Variants in TMEM132D observed in about 807,000 individuals in gnomAD.
The protein encoded by TMEM132D is mature OL transmembrane protein.
Under a neutral mutation model 62.3 loss-of-function variants are expected in TMEM132D, and 21 were observed. The observed-to-expected ratio is 0.34, with a 90% CI of 0.24 to 0.49. The LOEUF (loss-of-function observed/expected upper bound fraction) is 0.49. Among genes scored for constraint, TMEM132D ranks in the 20% least tolerant of loss-of-function variants. TMEM132D has a pLI of 0.99. For synonymous variants in TMEM132D, 621 were observed against 575.6 expected, an observed-to-expected ratio of 1.08 and a Z score of -1.13; for missense variants, 1,346 against 1,402.8, an observed-to-expected ratio of 0.96 and a Z score of 0.65.
chr12:129,126,930 A>G (rs1876230430), intron 5 of TMEM132D, among the ~76,000 whole-genome samples: 1 of 152,240 alleles, frequency 6.6e-6, no homozygotes, highest in African/African-American at 2.4e-5. Context: ...AAAGAGCAGC[A>G]CGTCTTCAGT....
intron 1 of TMEM132D, among the ~76,000 whole-genome samples, chr12:129,872,607 A>C (rs1263349390): frequency 6.6e-6 from 1 of 152,242 alleles, no homozygotes; most frequent in East Asian, 1.9e-4. Context: ...TAGAAGAGTC[A>C]TGTTGTTGGG....
chr12:129,656,575 C>T (rs1440129085), intron 2 of TMEM132D, among the ~76,000 whole-genome samples: 1 of 152,018 alleles, frequency 6.6e-6, no homozygotes, highest in Non-Finnish European at 1.5e-5. Flanking sequence ...TGACTCTGGC[C>T]AGATGTAATA....
intron 3 of TMEM132D, among the ~76,000 whole-genome samples, chr12:129,477,800 A>G (rs1180204309): frequency 2.0e-5 from 3 of 152,080 alleles, no homozygotes; most frequent in African/African-American, 7.2e-5. Context: ...CAGCCTGGGC[A>G]ATAGAGCAAG....
At position 129,336,578 on chromosome 12, in the gene TMEM132D, A is replaced by G. The variant is rs116228531; in HGVS notation, c.1299+1056T>C. Among the ~76,000 whole-genome samples the G allele has an allele frequency of 3.4e-3, 519 of 152,270 alleles. 3 individuals are homozygous for G. Among genetic ancestry groups the G allele is most frequent in the African/African-American group, 0.012 (494 of 41,530 alleles). ...CAGACTGGCACTCCGTCAAAAAGAA[A>G]AAAAAAAGAACATTACATGTAGCAT... On this transcript the variant is annotated intron_variant, in intron 4 of 8. Coordinates refer to ENST00000422113, the MANE Select transcript of TMEM132D (RefSeq NM_133448.3).
intron 2 of TMEM132D, among the ~76,000 whole-genome samples, chr12:129,622,916 C>T (rs893827242): frequency 2.0e-5 from 3 of 152,114 alleles, no homozygotes; most frequent in African/African-American, 7.2e-5. Flanking sequence ...GTGTGGTAAA[C>T]CTGGTTTTGG....
At chr12:129,230,346 C>T (rs547238803) in intron 4 of TMEM132D, among the ~76,000 whole-genome samples, 308 of 152,246 alleles carry the variant, frequency 2.0e-3, no homozygotes, top group Middle Eastern at 3.4e-3. Context: ...CCTTCCTCAG[C>T]TCCTTCTGTG....
chr12:129,426,170 T>C (rs1187107338), intron 3 of TMEM132D, among the ~76,000 whole-genome samples: 2 of 152,194 alleles, frequency 1.3e-5, no homozygotes, highest in Non-Finnish European at 2.9e-5. Flanking sequence ...TCTCTCTTCA[T>C]GTCCTGCTGT....
intron 5 of TMEM132D, among the ~76,000 whole-genome samples, chr12:129,136,274 T>C (rs1016404894): frequency 2.0e-5 from 3 of 152,242 alleles, no homozygotes; most frequent in Admixed American, 6.5e-5. Flanking sequence ...ATGCTGTTAA[T>C]TGACACACTC....
chr12:129,853,591 T>C (rs764894210), intron 1 of TMEM132D: 2 of 152,202 alleles, frequency 1.3e-5, no homozygotes, highest in Non-Finnish European at 2.9e-5. Flanking sequence ...CTGGAACCGA[T>C]GGTTTGAAAG....
chr12:129,160,909 T>C (rs1002928701), intron 5 of TMEM132D, among the ~76,000 whole-genome samples: 1 of 152,164 alleles, frequency 6.6e-6, no homozygotes, highest in African/African-American at 2.4e-5. Flanking sequence ...GGCCAAGAGC[T>C]GAGGGAGATG....
At chr12:129,618,578 CAGAAG>C (rs1472600324) in intron 2 of TMEM132D, among the ~76,000 whole-genome samples, 2 of 152,118 alleles carry the variant, frequency 1.3e-5, no homozygotes, top group African/African-American at 2.4e-5. Flanking sequence ...CTTCAAAAAC[CAGAAG>C]AGAAGAGGAA....
intron 5 of TMEM132D, among the ~76,000 whole-genome samples, chr12:129,115,338 T>C (rs1263489594): frequency 6.6e-6 from 1 of 152,190 alleles, no homozygotes. Context: ...CCTTCCTTAG[T>C]TCCCTGAACT....
At chr12:129,604,425 G>A (rs906554443) in intron 2 of TMEM132D, among the ~76,000 whole-genome samples, 14 of 152,072 alleles carry the variant, frequency 9.2e-5, no homozygotes, top group African/African-American at 3.4e-4. Context: ...CCAAGTTTGG[G>A]CATTTATGAA....
At chr12:129,570,830 A>G (rs1877491583) in intron 2 of TMEM132D, among the ~76,000 whole-genome samples, 1 of 152,222 alleles carries the variant, frequency 6.6e-6, no homozygotes, top group Non-Finnish European at 1.5e-5. Flanking sequence ...CATCCCCAGA[A>G]GTTGCTCAGG....
chr12:129,465,330 A>G (rs1873848841), intron 3 of TMEM132D, among the ~76,000 whole-genome samples: 1 of 152,192 alleles, frequency 6.6e-6, no homozygotes, highest in South Asian at 2.1e-4. Flanking sequence ...ACAAACCCAC[A>G]GCCAATATCA....
intron 1 of TMEM132D, among the ~76,000 whole-genome samples, chr12:129,892,385 A>G (rs1874954698): frequency 6.6e-6 from 1 of 152,190 alleles, no homozygotes; most frequent in Admixed American, 6.5e-5. Context: ...TAATAACCTC[A>G]TGCCAAAGTA....
At chr12:129,405,557 G>A (rs1266403350) in intron 3 of TMEM132D, among the ~76,000 whole-genome samples, 2 of 152,176 alleles carry the variant, frequency 1.3e-5, no homozygotes, top group Non-Finnish European at 2.9e-5. Context: ...GAGGTCCTGA[G>A]TGGCCCCACT....
chr12:129,500,123 G>T (rs1875087831), intron 3 of TMEM132D, among the ~76,000 whole-genome samples: 1 of 118,500 alleles, frequency 8.4e-6, no homozygotes, highest in African/African-American at 3.3e-5. Flanking sequence ...CCCCACTTCA[G>T]TCGATTACCT....
At chr12:129,166,975 C>T (rs1877581196) in intron 5 of TMEM132D, among the ~76,000 whole-genome samples, 1 of 151,850 alleles carries the variant, frequency 6.6e-6, no homozygotes, top group African/African-American at 2.4e-5. Context: ...ACCAACCTGG[C>T]CAACATGGCA....
Sources: gnomAD v4.1 joint callset for allele counts (sites outside exome capture counted in the v4.1 genomes callset) on GRCh38, gnomAD v4.1.1 for gene constraint, MANE v1.5 for transcripts, NCBI Gene and HGNC (gene_info 2026-07-23, HGNC 2026-07-21) for gene names.